Variants in KCNQ5 observed in about 807,000 individuals in gnomAD.
The protein encoded by KCNQ5 is potassium voltage-gated channel subfamily KQT member 5.
A neutral mutation model predicts 98.2 loss-of-function variants in KCNQ5; 30 were observed. The ratio of observed to expected loss-of-function variants is 0.31; its 90% CI spans 0.23 to 0.41. The LOEUF (loss-of-function observed/expected upper bound fraction) is 0.41. Among genes scored for constraint, KCNQ5 ranks in the 10% least tolerant of loss-of-function variants. The pLI, the probability that KCNQ5 is intolerant of heterozygous loss-of-function variation, is 1.00. For synonymous variants in KCNQ5, 458 were observed against 449.4 expected (o/e 1.02, Z -0.24); for missense variants, 835 against 1,182.5 (o/e 0.71, Z 4.31).
intron 1 of KCNQ5, among the ~76,000 whole-genome samples, chr6:72,970,563 A>ATTCTTATTTG (rs1767837295): frequency 1.3e-5 from 2 of 152,202 alleles, no homozygotes; most frequent in African/African-American, 4.8e-5. Flanking sequence ...CAAAAGAACA[A>ATTCTTATTTG]AGCTGGAGGC....
intron 1 of KCNQ5, among the ~76,000 whole-genome samples, chr6:72,932,252 TTGTG>T (rs1364023257): frequency 3.3e-5 from 5 of 151,514 alleles, no homozygotes; most frequent in Non-Finnish European, 7.4e-5. Context: ...ATATGTGTGT[TTGTG>T]TGTGTGTGCG....
intron 1 of KCNQ5, among the ~76,000 whole-genome samples, chr6:72,979,882 CTT>C (rs949229610): frequency 1.3e-5 from 2 of 152,164 alleles, no homozygotes; most frequent in Non-Finnish European, 2.9e-5. Context: ...CCAGTTTCAG[CTT>C]TCTACATATG....
intron 5 of KCNQ5, among the ~76,000 whole-genome samples, chr6:73,098,524 G>T (rs922878085): frequency 6.6e-6 from 1 of 152,092 alleles, no homozygotes; most frequent in African/African-American, 2.4e-5. Context: ...AATAAATAAC[G>T]TGCAATGGAG....
intron 1 of KCNQ5, among the ~76,000 whole-genome samples, chr6:72,871,816 C>T (rs1778218574): frequency 6.6e-6 from 1 of 152,106 alleles, no homozygotes; most frequent in East Asian, 1.9e-4. Flanking sequence ...TCCAAGGATA[C>T]ATCTCTCCAT....
chr6:72,885,691 A>C (rs1213771818), intron 1 of KCNQ5, among the ~76,000 whole-genome samples: 10 of 152,238 alleles, frequency 6.6e-5, no homozygotes, highest in Admixed American at 6.5e-4. Flanking sequence ...AATAGTTGAC[A>C]TCTGCCATGT....
intron 1 of KCNQ5, among the ~76,000 whole-genome samples, chr6:72,874,932 T>C (rs1463110279): frequency 2.0e-5 from 3 of 152,200 alleles, no homozygotes; most frequent in African/African-American, 4.8e-5. Context: ...TTAAATAACA[T>C]TGTACACATT....
intron 9 of KCNQ5, among the ~76,000 whole-genome samples, chr6:73,131,299 T>A (rs1478845821): frequency 1.3e-5 from 2 of 152,166 alleles, no homozygotes; most frequent in Admixed American, 1.3e-4. Context: ...GTTTATCCAT[T>A]TCTTATGTAT....
chr6:73,018,817 A>T (rs1343718521), intron 2 of KCNQ5, among the ~76,000 whole-genome samples: 1 of 152,178 alleles, frequency 6.6e-6, no homozygotes, highest in Non-Finnish European at 1.5e-5. Context: ...GTAACACAGA[A>T]GTTAGAGATT....
chr6:72,646,123 A>G (rs926617926), intron 1 of KCNQ5, among the ~76,000 whole-genome samples: 1 of 152,164 alleles, frequency 6.6e-6, no homozygotes, highest in Non-Finnish European at 1.5e-5. Flanking sequence ...TCCATTGTTA[A>G]TCTGTAATCT....
chr6:72,909,876 G>A (rs1255188089), intron 1 of KCNQ5, among the ~76,000 whole-genome samples: 1 of 152,104 alleles, frequency 6.6e-6, no homozygotes, highest in African/African-American at 2.4e-5. Flanking sequence ...AAAGATTTTG[G>A]ACATCCTCCC....
At chr6:72,690,640 C>T (rs1329246343) in intron 1 of KCNQ5, among the ~76,000 whole-genome samples, 5 of 151,948 alleles carry the variant, frequency 3.3e-5, no homozygotes, top group African/African-American at 1.2e-4. Context: ...GCTGCTGCTG[C>T]TGTCAACATC....
At chr6:72,973,310 T>A (rs1337504714) in intron 1 of KCNQ5, among the ~76,000 whole-genome samples, 8 of 152,100 alleles carry the variant, frequency 5.3e-5, no homozygotes, top group African/African-American at 1.2e-4. Context: ...ACTGTGAACA[T>A]AAACTTCTCT....
intron 1 of KCNQ5, among the ~76,000 whole-genome samples, chr6:72,731,709 C>G (rs1470301827): frequency 6.6e-6 from 1 of 152,202 alleles, no homozygotes; most frequent in Non-Finnish European, 1.5e-5. Flanking sequence ...AAGTCCCACT[C>G]TGTCACTCAT....
At chr6:72,919,629 T>C (rs1461617946) in intron 1 of KCNQ5, among the ~76,000 whole-genome samples, 4 of 152,178 alleles carry the variant, frequency 2.6e-5, no homozygotes, top group Non-Finnish European at 4.4e-5. Context: ...ATGCTCTTAG[T>C]TAATCTGCTG....
chr6:72,704,243 G>C (rs971444118), intron 1 of KCNQ5, among the ~76,000 whole-genome samples: 2 of 152,004 alleles, frequency 1.3e-5, no homozygotes, highest in Admixed American at 1.3e-4. Context: ...TCCTCCCTCT[G>C]TTTATGGAGT....
At position 73,079,582 on chromosome 6, in the gene KCNQ5, C is replaced by A. The variant is rs562957633; in HGVS notation, c.918+1695C>A. ...ATAAAATGAATAAAAATGAGAAATACATTCACCTAAAGATTCGAATTTTTT... is the reference window on the plus strand; with the variant it reads ...ATAAAATGAATAAAAATGAGAAATAAATTCACCTAAAGATTCGAATTTTTT... On this transcript the variant is annotated intron_variant, in intron 5 of 13. Coordinates refer to ENST00000370398, the MANE Select transcript of KCNQ5 (RefSeq NM_019842.4). Among the ~76,000 whole-genome samples the A allele has an allele frequency of 7.2e-5, 11 of 152,260 alleles. No homozygotes were observed. In the Middle Eastern group the frequency reaches 0.014, roughly 188 times the overall value.
chr6:72,941,388 C>CTTGT lies in KCNQ5; in HGVS notation c.399-62518_399-62517insGTTT, dbSNP rs1304901667. Among the ~76,000 whole-genome samples the CTTGT allele has an allele frequency of 7.6e-4, 76 of 99,496 alleles. 1 individual carries two copies. The highest frequency in any genetic ancestry group is 5.0e-3 in the East Asian group (19 of 3,774). 65.3% of individuals were successfully genotyped at this position (99,496 alleles called of 152,430 possible). On this transcript the variant is annotated intron_variant, in intron 1 of 13. Transcript: ENST00000370398. The stretch of plus-strand genomic sequence containing the variant: ...TCCTTCCTTCTTTCCTCCTTCCTTC[C>CTTGT]TTCCTCCTTTCCTCCTTCCCTCCCT...
intron 5 of KCNQ5, among the ~76,000 whole-genome samples, chr6:73,081,568 G>T (rs890251195): frequency 1.3e-4 from 20 of 152,090 alleles, no homozygotes; most frequent in African/African-American, 4.3e-4. Context: ...CCCTTGGGGA[G>T]AATTATACCG....
rs1042237329 is a variant in KCNQ5 at position 73,079,492 on chromosome 6, AGG to A, written c.918+1609_918+1610del. Among the ~76,000 whole-genome samples the A allele has an allele frequency of 3.3e-5, 5 of 152,324 alleles. No individual in the cohort carries two copies. In the South Asian group the frequency reaches 6.2e-4, roughly 19 times the overall value. Reference sequence around the variant, plus strand: ...GCAAGACCCAGAACATTTGTCAGAGAGGGGGAAAATTTGTTAGGGCTGTATTT... The same window carrying A: ...GCAAGACCCAGAACATTTGTCAGAGAGGGAAAATTTGTTAGGGCTGTATTT... On this transcript the variant is annotated intron_variant, in intron 5 of 13. Coordinates refer to ENST00000370398, the MANE Select transcript of KCNQ5 (RefSeq NM_019842.4).
Sources: gnomAD v4.1 joint callset for allele counts (sites outside exome capture counted in the v4.1 genomes callset) on GRCh38, gnomAD v4.1.1 for gene constraint, MANE v1.5 for transcripts, NCBI Gene and HGNC (gene_info 2026-07-23, HGNC 2026-07-21) for gene names.